AGTPBP1: variants seen among roughly 807,000 people sequenced by gnomAD.
AGTPBP1 encodes the protein cytosolic carboxypeptidase 1.
Under a neutral mutation model 143.9 loss-of-function variants are expected in AGTPBP1, and 70 were observed. That is an observed-to-expected ratio of 0.49 (90% CI 0.40 to 0.59). The LOEUF is 0.59. Among genes scored for constraint, AGTPBP1 ranks in the 20% least tolerant of loss-of-function variants. The pLI is 0.00. For synonymous variants in AGTPBP1, 463 were observed against 500.2 expected, an observed-to-expected ratio of 0.93 and a Z score of 0.99; for missense variants, 1,229 against 1,464.5, an observed-to-expected ratio of 0.84 and a Z score of 2.62.
At chr9:85,652,201 A>G (rs1390547393) in intron 11 of AGTPBP1, among the ~76,000 whole-genome samples, 2 of 152,086 alleles carry the variant, frequency 1.3e-5, no homozygotes, top group African/African-American at 4.8e-5. Context: ...TAAAAACCCT[A>G]AACAATGGTA....
At chr9:85,668,386 C>T (rs1834262081) in intron 8 of AGTPBP1, among the ~76,000 whole-genome samples, 1 of 151,472 alleles carries the variant, frequency 6.6e-6, no homozygotes, top group Non-Finnish European at 1.5e-5. Context: ...TCACTTGAGC[C>T]TAGGAATTTG....
intron 2 of AGTPBP1, among the ~76,000 whole-genome samples, chr9:85,697,501 G>A (rs1322555607): frequency 8.2e-6 from 1 of 121,790 alleles, no homozygotes; most frequent in Non-Finnish European, 1.6e-5. Context: ...CGCCCAGGCT[G>A]GAGTGCAGTG....
At chr9:85,589,724 G>C in intron 19 of AGTPBP1, 43 bp from the exon 20 acceptor site, 20 of 1,544,748 alleles carry the variant, frequency 1.3e-5, no homozygotes, top group Non-Finnish European at 1.8e-5. Flanking sequence ...CACTTAAAAA[G>C]TCCCTATGAT....
chr9:85,709,725 A>G (rs759098131), intron 2 of AGTPBP1, among the ~76,000 whole-genome samples: 3 of 152,220 alleles, frequency 2.0e-5, no homozygotes, highest in South Asian at 2.1e-4. Flanking sequence ...AGCTAGAAAG[A>G]TAACAGATTA....
intron 2 of AGTPBP1, among the ~76,000 whole-genome samples, chr9:85,700,033 A>C (rs1284053635): frequency 6.6e-6 from 1 of 152,230 alleles, no homozygotes; most frequent in Non-Finnish European, 1.5e-5. Flanking sequence ...AGAGTCTCAT[A>C]CCTACTTCTG....
At chr9:85,753,801 GATAGAT>G in the AGTPBP1 span, among the ~76,000 whole-genome samples, 1 of 140,586 alleles carries the variant, frequency 7.1e-6, no homozygotes, top group South Asian at 2.3e-4. Flanking sequence ...TAGATAGATA[GATAGAT>G]GTAAAAACTG....
At chr9:85,654,769 G>T (rs1833389251) in intron 11 of AGTPBP1, among the ~76,000 whole-genome samples, 1 of 151,876 alleles carries the variant, frequency 6.6e-6, no homozygotes, top group Non-Finnish European at 1.5e-5. Flanking sequence ...CTTGAACACG[G>T]GAGGCAGAGG....
rs947953412 is a variant in AGTPBP1, at chr9:85,587,085, T to A, written c.2904-125A>T. On this transcript the variant is annotated intron_variant, in intron 21 of 25. Coordinates refer to ENST00000357081, the MANE Select transcript of AGTPBP1 (RefSeq NM_001330701.2). ...CTTCTATTCCACTAAGCATTTCAAA[T>A]AGGTATAGATGGTAAGCTCAACCAA... 2.2e-5 allele frequency: 26 copies of A among 1,193,718 alleles called. No individual in the cohort carries two copies. In the South Asian group the frequency reaches 5.1e-4, roughly 23 times the overall value. 73.9% of individuals were successfully genotyped at this position (1,193,718 alleles called of 1,614,324 possible). A position where few individuals can be genotyped will look rare whatever the true frequency, so the allele number is the denominator to read the frequency against.
At chr9:85,799,078 G>A in the AGTPBP1 span, among the ~76,000 whole-genome samples, 1 of 152,004 alleles carries the variant, frequency 6.6e-6, no homozygotes, top group East Asian at 1.9e-4. Context: ...GAGAACGTGC[G>A]GTGTTTGGTT....
intron 10 of AGTPBP1, among the ~76,000 whole-genome samples, chr9:85,656,519 ATG>A (rs1434852881): frequency 6.6e-6 from 1 of 152,118 alleles, no homozygotes; most frequent in South Asian, 2.1e-4. Context: ...TGTGTTTGTC[ATG>A]TGTGAGACCA....
chr9:85,669,621 A>G (rs1313178442), intron 7 of AGTPBP1, 43 bp from the exon 8 acceptor site: 2 of 1,399,390 alleles, frequency 1.4e-6, no homozygotes, highest in Non-Finnish European at 2.0e-6. Context: ...TTAAGGTTTG[A>G]CAACCAAAAA....
Position 85,547,303 on chromosome 9 carries a change from C to A in AGTPBP1, c.3504-17G>T. 1.3e-6 allele frequency: 2 copies of A among 1,595,330 alleles called. No homozygotes were observed. Among genetic ancestry groups the A allele is most frequent in the Non-Finnish European group, 1.7e-6 (2 of 1,171,808 alleles). On this transcript the variant is annotated splice_polypyrimidine_tract_variant and intron_variant, in intron 25 of 25. Coordinates refer to ENST00000357081, the MANE Select transcript of AGTPBP1 (RefSeq NM_001330701.2). Reference sequence around the variant, plus strand: ...GTGGTAGGGCTGCAGCCAAAACACACAGAACATACAAGACTTTGTGAGGTC... The same window carrying A: ...GTGGTAGGGCTGCAGCCAAAACACAAAGAACATACAAGACTTTGTGAGGTC...
At chr9:85,631,440 T>C (rs114319749) in intron 14 of AGTPBP1, among the ~76,000 whole-genome samples, 15 of 152,336 alleles carry the variant, frequency 9.8e-5, no homozygotes, top group African/African-American at 3.6e-4. Flanking sequence ...ACTGTAGCAC[T>C]CCACGAGGCC....
At chr9:85,750,592 A>G in the AGTPBP1 span, among the ~76,000 whole-genome samples, 2 of 152,110 alleles carry the variant, frequency 1.3e-5, no homozygotes, top group African/African-American at 4.8e-5. Context: ...CCTCTTCCCT[A>G]TGCTTCTCTC....
intron 2 of AGTPBP1, among the ~76,000 whole-genome samples, chr9:85,711,644 T>C (rs1837378685): frequency 6.6e-6 from 1 of 152,050 alleles, no homozygotes; most frequent in African/African-American, 2.4e-5. Flanking sequence ...TTCACCATGT[T>C]GGCCAGACTG....
chr9:85,622,692 G>A (rs747386097), intron 14 of AGTPBP1, among the ~76,000 whole-genome samples: 4 of 152,120 alleles, frequency 2.6e-5, no homozygotes, highest in Non-Finnish European at 4.4e-5. Flanking sequence ...CATTCTTGAT[G>A]TAAGTTTAAT....
intron 13 of AGTPBP1, among the ~76,000 whole-genome samples, chr9:85,636,260 T>TA (rs1491238622): frequency 2.9e-5 from 2 of 68,622 alleles, no homozygotes; most frequent in Admixed American, 3.2e-4. Flanking sequence ...GTAAGGTTTC[T>TA]TTTTTTTTTT....
intron 25 of AGTPBP1, among the ~76,000 whole-genome samples, chr9:85,565,499 C>T (rs533040994): frequency 6.6e-6 from 1 of 152,066 alleles, no homozygotes; most frequent in African/African-American, 2.4e-5. Flanking sequence ...ACATTACGAC[C>T]AGGAAATAGA....
intron 8 of AGTPBP1, among the ~76,000 whole-genome samples, chr9:85,663,047 G>A (rs898497870): frequency 9.9e-5 from 15 of 152,232 alleles, no homozygotes; most frequent in Admixed American, 2.0e-4. Flanking sequence ...CAGAACCTAG[G>A]TGGAGTCTGG....
Sources: gnomAD v4.1 joint callset for allele counts (sites outside exome capture counted in the v4.1 genomes callset) on GRCh38, gnomAD v4.1.1 for gene constraint, MANE v1.5 for transcripts, NCBI Gene and HGNC (gene_info 2026-07-23, HGNC 2026-07-21) for gene names.